Variants in INPP4B observed in about 807,000 individuals in gnomAD.
The protein encoded by INPP4B is inositol polyphosphate 4-phosphatase type II.
A neutral mutation model predicts 122.5 loss-of-function variants in INPP4B; 55 were observed. The observed-to-expected ratio is 0.45, with a 90% CI of 0.36 to 0.56. The LOEUF (loss-of-function observed/expected upper bound fraction) is 0.56. Ranked by LOEUF, INPP4B falls within the 20% of genes least tolerant of loss-of-function variation. The probability of loss-of-function intolerance (pLI) is 0.00; values close to 1 mark genes in which losing one functional copy is unlikely to be tolerated. For missense variants in INPP4B, 1,000 were observed against 1,097.7 expected (o/e 0.91, Z 1.26); for synonymous variants, 403 against 388.7 (o/e 1.04, Z -0.43).
At chr4:142,455,237 GC>G (rs1815136643) in intron 3 of INPP4B, among the ~76,000 whole-genome samples, 1 of 151,836 alleles carries the variant, frequency 6.6e-6, no homozygotes, top group South Asian at 2.1e-4. Context: ...ACTCTATTAT[GC>G]TATCAAATAT....
intron 25 of INPP4B, among the ~76,000 whole-genome samples, chr4:142,043,265 A>T (rs1472786009): frequency 6.6e-6 from 1 of 152,250 alleles, no homozygotes; most frequent in Non-Finnish European, 1.5e-5. Flanking sequence ...AGAGAATAAG[A>T]TACATTTAAG....
intron 17 of INPP4B, among the ~76,000 whole-genome samples, chr4:142,150,554 C>G (rs1420127695): frequency 2.0e-5 from 3 of 152,122 alleles, no homozygotes; most frequent in African/African-American, 7.2e-5. Flanking sequence ...CCTTGGAGGT[C>G]AACTGGCTAT....
intron 25 of INPP4B, among the ~76,000 whole-genome samples, chr4:142,042,359 A>G (rs182279324): frequency 6.6e-6 from 1 of 152,258 alleles, no homozygotes; most frequent in East Asian, 1.9e-4. Context: ...CAACTGCAGG[A>G]AAGTGGAAAT....
intron 1 of INPP4B, among the ~76,000 whole-genome samples, chr4:142,800,752 T>C (rs1412151273): frequency 2.0e-5 from 3 of 152,168 alleles, no homozygotes; most frequent in East Asian, 3.9e-4. Flanking sequence ...GTGTGTTACA[T>C]GTTGGGGATC....
chr4:142,571,708 GAATTA>G (rs1285236039), intron 2 of INPP4B, among the ~76,000 whole-genome samples: 1 of 152,030 alleles, frequency 6.6e-6, no homozygotes, highest in Non-Finnish European at 1.5e-5. Flanking sequence ...AACAATTATA[GAATTA>G]AATAAAATGA....
chr4:142,425,255 T>G (rs2149335950), intron 5 of INPP4B: 1 of 152,178 alleles, frequency 6.6e-6, no homozygotes, highest in Non-Finnish European at 1.5e-5. Context: ...ATTATTCAGA[T>G]AGCTGCAGCT....
intron 2 of INPP4B, among the ~76,000 whole-genome samples, chr4:142,635,091 C>A (rs1748812005): frequency 6.6e-6 from 1 of 151,854 alleles, no homozygotes; most frequent in South Asian, 2.1e-4. Flanking sequence ...ATGTGGCCAA[C>A]AAACATATGG....
chr4:142,779,981 G>A (rs1054378792), intron 1 of INPP4B, among the ~76,000 whole-genome samples: 5 of 152,068 alleles, frequency 3.3e-5, no homozygotes, highest in Admixed American at 3.3e-4. Flanking sequence ...CAGATAATAA[G>A]GCTGCAGCAG....
intron 16 of INPP4B, among the ~76,000 whole-genome samples, chr4:142,168,450 T>C (rs922462535): frequency 4.6e-5 from 7 of 151,618 alleles, no homozygotes; most frequent in African/African-American, 1.7e-4. Flanking sequence ...GATTTTTCTA[T>C]GGCAAAGTAA....
intron 4 of INPP4B, 136 bp from the exon 5 acceptor site, chr4:142,429,353 AG>A: frequency 5.4e-6 from 3 of 555,080 alleles, no homozygotes; most frequent in Non-Finnish European, 9.7e-6. Flanking sequence ...TTGGTTTATC[AG>A]GGTTATAAAT....
In INPP4B at chr4:142,773,867, G is replaced by A. The variant is rs916490893; in HGVS notation, c.-253-47966C>T. ...TGATCTAGATTTTTGGAGAGTAAGA[G>A]CCATCTGTTCCCATGGATAACAGTA... On this transcript the variant is annotated intron_variant, in intron 1 of 25. Coordinates refer to ENST00000262992, the MANE Select transcript of INPP4B (RefSeq NM_001101669.3). Among the ~76,000 whole-genome samples the A allele has an allele frequency of 3.0e-4, 46 of 151,274 alleles. 2 individuals are homozygous for A. Among genetic ancestry groups the A allele is most frequent in the African/African-American group, 1.1e-3 (45 of 40,682 alleles).
chr4:142,052,532 A>G (rs1229838884), intron 25 of INPP4B, among the ~76,000 whole-genome samples: 2 of 152,094 alleles, frequency 1.3e-5, no homozygotes, highest in Non-Finnish European at 2.9e-5. Flanking sequence ...TTTCCAACAG[A>G]CAAGACATGT....
intron 3 of INPP4B, among the ~76,000 whole-genome samples, chr4:142,435,745 A>G (rs977789497): frequency 6.6e-6 from 1 of 152,158 alleles, no homozygotes; most frequent in South Asian, 2.1e-4. Flanking sequence ...GCCTGGGGAA[A>G]CTTGCTTTTT....
intron 9 of INPP4B, among the ~76,000 whole-genome samples, chr4:142,292,770 T>C (rs1434231629): frequency 6.6e-6 from 1 of 152,190 alleles, no homozygotes; most frequent in Non-Finnish European, 1.5e-5. Context: ...ACTTCCCAAT[T>C]TACGTGTGTG....
chr4:142,364,798 T>G (rs1786798025), intron 7 of INPP4B, among the ~76,000 whole-genome samples: 1 of 152,036 alleles, frequency 6.6e-6, no homozygotes, highest in Non-Finnish European at 1.5e-5. Context: ...CAAACTCATG[T>G]GTGCTCCCCA....
chr4:142,174,146 C>G (rs970052951), intron 15 of INPP4B, among the ~76,000 whole-genome samples: 1 of 152,008 alleles, frequency 6.6e-6, no homozygotes, highest in South Asian at 2.1e-4. Flanking sequence ...ATTAGTATTA[C>G]TATTAATTCC....
At chr4:142,601,275 C>T (rs923236219) in intron 2 of INPP4B, among the ~76,000 whole-genome samples, 2 of 152,066 alleles carry the variant, frequency 1.3e-5, no homozygotes, top group East Asian at 1.9e-4. Context: ...GCACATGGAA[C>T]ATTCTCCAGG....
chr4:142,743,041 C>T (rs1262239626), intron 1 of INPP4B, among the ~76,000 whole-genome samples: 1 of 151,904 alleles, frequency 6.6e-6, no homozygotes, highest in Non-Finnish European at 1.5e-5. Flanking sequence ...AACAGAAAAT[C>T]TCAATCAGAA....
intron 11 of INPP4B, among the ~76,000 whole-genome samples, chr4:142,242,623 C>G (rs933978974): frequency 6.6e-6 from 1 of 152,172 alleles, no homozygotes; most frequent in African/African-American, 2.4e-5. Flanking sequence ...TTGTTTCTTG[C>G]CAGTATGCCT....
Sources: gnomAD v4.1 joint callset for allele counts (sites outside exome capture counted in the v4.1 genomes callset) on GRCh38, gnomAD v4.1.1 for gene constraint, MANE v1.5 for transcripts, NCBI Gene and HGNC (gene_info 2026-07-23, HGNC 2026-07-21) for gene names.